The following MRTFB variants were observed in gnomAD, a reference collection of about 807,000 sequenced individuals.
MRTFB encodes the protein myocardin-related transcription factor B.
In MRTFB, 29 loss-of-function variants were observed where a neutral mutation model predicts 104.2. The observed-to-expected ratio is 0.28, with a 90% confidence interval of 0.21 to 0.38. MRTFB has a LOEUF of 0.38. MRTFB is among the 10% of genes least tolerant of loss of function. MRTFB has a pLI of 1.00. For missense variants in MRTFB, 1,270 were observed against 1,341.6 expected (o/e 0.95, Z 0.83); for synonymous variants, 535 against 519.5 (o/e 1.03, Z -0.41).
At chr16:14,126,895 T>C (rs2037137791) in intron 2 of MRTFB, among the ~76,000 whole-genome samples, 1 of 152,220 alleles carries the variant, frequency 6.6e-6, no homozygotes, top group African/African-American at 2.4e-5. Flanking sequence ...GATAGTTAAG[T>C]GAATACTTCA....
intron 2 of MRTFB, among the ~76,000 whole-genome samples, chr16:14,117,113 A>T (rs933789168): frequency 4.6e-5 from 7 of 152,214 alleles, no homozygotes; most frequent in Non-Finnish European, 1.0e-4. Flanking sequence ...TCTTTGAATA[A>T]CTACTCCTTT....
chr16:14,029,007 A>G, the MRTFB span, among the ~76,000 whole-genome samples: 7 of 152,074 alleles, frequency 4.6e-5, no homozygotes, highest in Non-Finnish European at 1.0e-4. Context: ...GGAAATCTCA[A>G]AGAGGTGTGG....
the MRTFB span, among the ~76,000 whole-genome samples, chr16:14,036,202 A>G: frequency 1.6e-5 from 2 of 125,548 alleles, no homozygotes; most frequent in Non-Finnish European, 3.2e-5. Flanking sequence ...ATTATATATA[A>G]TATATTATAT....
At chr16:14,033,282 A>AT in the MRTFB span, among the ~76,000 whole-genome samples, 1 of 152,190 alleles carries the variant, frequency 6.6e-6, no homozygotes, top group East Asian at 1.9e-4. Context: ...GCAGAGGCTT[A>AT]TGCCTGTAAT....
chr16:14,182,430 A>G (rs867036633), intron 3 of MRTFB, among the ~76,000 whole-genome samples: 5 of 152,328 alleles, frequency 3.3e-5, no homozygotes, highest in African/African-American at 9.6e-5. Flanking sequence ...TGGCACTGGA[A>G]TGGAATTGGA....
chr16:14,079,239 G>C (rs184005648), intron 1 of MRTFB, 51 bp from the exon 2 acceptor site: 1 of 334,706 alleles, frequency 3.0e-6, no homozygotes, highest in Non-Finnish European at 5.5e-6. Context: ...AACCTTGTCT[G>C]GCATGTAGTA....
At chr16:14,017,294 G>A in the MRTFB span, among the ~76,000 whole-genome samples, 1 of 151,684 alleles carries the variant, frequency 6.6e-6, no homozygotes, top group East Asian at 1.9e-4. Flanking sequence ...CTGACCTTGT[G>A]ATCCGCCCCC....
chr16:14,151,526 A>G (rs552388908), intron 3 of MRTFB: 1 of 152,332 alleles, frequency 6.6e-6, no homozygotes, highest in African/African-American at 2.4e-5. Flanking sequence ...AATTTTCACC[A>G]TGATGTTTTA....
the MRTFB span, among the ~76,000 whole-genome samples, chr16:14,028,278 C>T: frequency 9.9e-5 from 15 of 152,064 alleles, no homozygotes; most frequent in Non-Finnish European, 8.8e-5. Context: ...TTGCCCTAGT[C>T]TGACTCTGAA....
chr16:14,243,614 A>T (rs1345441031), intron 10 of MRTFB, among the ~76,000 whole-genome samples: 2 of 152,176 alleles, frequency 1.3e-5, no homozygotes, highest in Admixed American at 1.3e-4. Flanking sequence ...AATTAGTACA[A>T]AGCACCTAAC....
chr16:14,258,191 A>G, intron 16 of MRTFB, 30 bp downstream of exon 16: 1 of 1,596,458 alleles, frequency 6.3e-7, no homozygotes, highest in Non-Finnish European at 8.6e-7. Context: ...AGATCCTCCC[A>G]GGAAGTCATC....
chr16:14,127,911 ATATATATATATATATATATTTTT>A (rs1466825860), intron 2 of MRTFB, among the ~76,000 whole-genome samples: 15 of 53,592 alleles, frequency 2.8e-4, no homozygotes, highest in African/African-American at 1.2e-3. Context: ...ATATATATAT[ATATATATATATATATATATTTTT>A]TTTTTTTTTT....
At chr16:14,174,144 T>G (rs763334360) in intron 3 of MRTFB, among the ~76,000 whole-genome samples, 18 of 152,226 alleles carry the variant, frequency 1.2e-4, no homozygotes, top group Non-Finnish European at 2.2e-4. Flanking sequence ...GTGCAATGAT[T>G]AGTTCAACAT....
chr16:14,159,929 CAAAAAA>C (rs552159164), intron 3 of MRTFB, among the ~76,000 whole-genome samples: 2 of 55,628 alleles, frequency 3.6e-5, no homozygotes, highest in African/African-American at 1.0e-4. Flanking sequence ...GACTCCGTCT[CAAAAAA>C]AAAAAAAAAA....
chr16:14,027,095 C>T, the MRTFB span, among the ~76,000 whole-genome samples: 8 of 152,204 alleles, frequency 5.3e-5, no homozygotes, highest in African/African-American at 1.7e-4. Context: ...GTACAAAAAC[C>T]GGTACATGAA....
At position 14,260,955 on chromosome 16, in the gene MRTFB, GAGACC is replaced by G; in HGVS notation, c.2814_2818del (p.Arg938SerfsTer56). On this transcript the variant is annotated frameshift_variant, in exon 17 of 17. Transcript: ENST00000571589. LOFTEE classifies it high-confidence loss of function. ...AAGAACCTTCTCCTATTTCCAAAATGAGACCAGTGACAGCCAGCATCACCACAATG... is the reference window on the plus strand; with the variant it reads ...AAGAACCTTCTCCTATTTCCAAAATGAGTGACAGCCAGCATCACCACAATG... 6.2e-7 allele frequency: 1 copy of G among 1,613,596 alleles called. No individual in the cohort carries two copies. The highest frequency in any genetic ancestry group is 8.5e-7 in the Non-Finnish European group (1 of 1,179,748).
rs116371006 is a variant in MRTFB, at chr16:14,110,763, T to C, written c.-63-29781T>C. 9.1e-3 allele frequency among the ~76,000 whole-genome samples: 1,383 copies of C among 152,284 alleles called. 20 individuals are homozygous for C. The highest frequency in any genetic ancestry group is 0.03 in the African/African-American group (1,232 of 41,542). On this transcript the variant is annotated intron_variant, in intron 2 of 16. Transcript: ENST00000571589. ...TCCACGTGAGACCAGGCTTTAGTTA[T>C]ATTTGTCAGGATGACTACATCATCC... is the stretch of plus-strand genomic sequence containing the variant.
chr16:14,206,578 G>T (rs1484460975), intron 3 of MRTFB, among the ~76,000 whole-genome samples: 1 of 152,190 alleles, frequency 6.6e-6, no homozygotes, highest in Non-Finnish European at 1.5e-5. Flanking sequence ...TTTGTTTTGA[G>T]ACAGAGTCTC....
At chr16:14,156,932 T>C (rs1229975650) in intron 3 of MRTFB, among the ~76,000 whole-genome samples, 1 of 152,106 alleles carries the variant, frequency 6.6e-6, no homozygotes, top group Non-Finnish European at 1.5e-5. Context: ...CAGCTAACCA[T>C]CCTTTTCACA....
Sources: allele counts gnomAD v4.1 joint callset (sites outside exome capture counted in the v4.1 genomes callset), GRCh38; gene constraint gnomAD v4.1.1; transcripts MANE v1.5; gene names NCBI Gene and HGNC (gene_info 2026-07-23, HGNC 2026-07-21).